Variants in ASCC3 observed in about 807,000 individuals in gnomAD.
ASCC3 encodes the protein ASC-1 complex subunit P200.
A neutral mutation model predicts 256.3 loss-of-function variants in ASCC3; 158 were observed. The ratio of observed to expected loss-of-function variants is 0.62; its 90% confidence interval spans 0.54 to 0.70. The LOEUF (loss-of-function observed/expected upper bound fraction) is 0.70. Ranked by LOEUF, ASCC3 falls within the 30% of genes least tolerant of loss-of-function variation. The pLI is 0.00. For synonymous variants in ASCC3, 948 were observed against 883.4 expected (o/e 1.07, Z -1.30); for missense variants, 2,259 against 2,626.0 (o/e 0.86, Z 3.05).
At chr6:100,582,467 C>T (rs1562137169) in intron 36 of ASCC3, among the ~76,000 whole-genome samples, 3 of 151,320 alleles carry the variant, frequency 2.0e-5, no homozygotes, top group African/African-American at 4.8e-5. Context: ...AGTTGCTTAT[C>T]AGCTGAAGGA....
At chr6:100,880,488 ATGAG>A (rs1230948115) in intron 1 of ASCC3, among the ~76,000 whole-genome samples, 1 of 152,218 alleles carries the variant, frequency 6.6e-6, no homozygotes, top group Non-Finnish European at 1.5e-5. Flanking sequence ...ACTGCATTCC[ATGAG>A]TAAGTTAATT....
chr6:100,623,052 TATAAA>T (rs1350525601), intron 30 of ASCC3, among the ~76,000 whole-genome samples: 1 of 152,094 alleles, frequency 6.6e-6, no homozygotes, highest in Non-Finnish European at 1.5e-5. Context: ...TAGGATAACA[TATAAA>T]ATAAAATTAA....
In ASCC3 at chr6:100,734,294, C is replaced by T. The variant is rs531199281; in HGVS notation, c.1738-8591G>A. Among the ~76,000 whole-genome samples the T allele has an allele frequency of 2.3e-3, 355 of 152,118 alleles. 2 individuals carry two copies. Among genetic ancestry groups the T allele is most frequent in the Non-Finnish European group, 3.5e-3 (239 of 67,994 alleles). The stretch of plus-strand genomic sequence containing the variant: ...GGTACTATGTATTTATATTATCTTC[C>T]TTAAATATAACTAATTTATTAAAAT... On this transcript the variant is annotated intron_variant, in intron 10 of 41. Coordinates refer to ENST00000369162, the MANE Select transcript of ASCC3 (RefSeq NM_006828.4).
intron 10 of ASCC3, among the ~76,000 whole-genome samples, chr6:100,730,022 G>A (rs1369595188): frequency 6.6e-6 from 1 of 151,950 alleles, no homozygotes; most frequent in African/African-American, 2.4e-5. Context: ...AAATACCACT[G>A]GGCTGTGTGC....
At chr6:100,575,703 C>T (rs550206278) in intron 36 of ASCC3, among the ~76,000 whole-genome samples, 20 of 151,920 alleles carry the variant, frequency 1.3e-4, no homozygotes, top group Non-Finnish European at 2.4e-4. Context: ...CCATAACAAC[C>T]GAGTGTACGT....
chr6:100,549,915 A>C (rs1296359101), intron 36 of ASCC3, among the ~76,000 whole-genome samples: 1 of 151,810 alleles, frequency 6.6e-6, no homozygotes, highest in African/African-American at 2.4e-5. Flanking sequence ...AAGAGGAGAG[A>C]GGAGAGATTC....
chr6:100,593,602 G>T (rs1168862050), intron 34 of ASCC3, among the ~76,000 whole-genome samples: 2 of 152,024 alleles, frequency 1.3e-5, no homozygotes, highest in African/African-American at 4.8e-5. Context: ...TTTCCTGTTT[G>T]GTTTATGTAA....
intron 12 of ASCC3, among the ~76,000 whole-genome samples, chr6:100,717,312 C>G (rs1779130734): frequency 6.6e-6 from 1 of 151,900 alleles, no homozygotes; most frequent in Admixed American, 6.6e-5. Flanking sequence ...ACATTAAAGA[C>G]TAAGGTTGAC....
chr6:100,656,850 A>C (rs1300863585), intron 16 of ASCC3, among the ~76,000 whole-genome samples: 1 of 150,794 alleles, frequency 6.6e-6, no homozygotes, highest in Non-Finnish European at 1.5e-5. Flanking sequence ...TTTTTTCCTG[A>C]ATCCTTAACT....
chr6:100,735,540 C>A (rs1216556262), intron 10 of ASCC3, among the ~76,000 whole-genome samples: 4 of 151,674 alleles, frequency 2.6e-5, no homozygotes, highest in Admixed American at 6.6e-5. Flanking sequence ...TGCATAAATT[C>A]TCCTTTTAAT....
Position 100,540,207 on chromosome 6 carries a change from T to A in ASCC3, c.5731A>T (p.Thr1911Ser). 3 of 1,614,090 alleles carry A rather than the reference T, an allele frequency of 1.9e-6. No homozygotes were observed. The highest frequency in any genetic ancestry group is 2.5e-6 in the Non-Finnish European group (3 of 1,179,988). ...RAMLPCPDYD[T>S]DTKTVLDQAL... Reference sequence around the variant, plus strand: ...TGGTCCAAGACTGTTTTGGTATCAGTGTCATAATCTGGGCAGGGTAGCATG... The same window carrying A: ...TGGTCCAAGACTGTTTTGGTATCAGAGTCATAATCTGGGCAGGGTAGCATG... Residue 1911 changes from threonine to serine, a missense_variant, in exon 37 of 42, where the codon ACT (threonine) becomes TCT (serine). Physicochemically the swap from Thr to Ser is moderately conservative, Grantham distance 58. Coordinates refer to ENST00000369162, the MANE Select transcript of ASCC3 (RefSeq NM_006828.4).
intron 36 of ASCC3, among the ~76,000 whole-genome samples, chr6:100,586,796 A>G (rs1771716481): frequency 6.6e-6 from 1 of 152,144 alleles, no homozygotes; most frequent in South Asian, 2.1e-4. Flanking sequence ...ATACCCCCAA[A>G]TCCTGAAAAC....
At chr6:100,711,456 G>C (rs945758165) in intron 13 of ASCC3, among the ~76,000 whole-genome samples, 8 of 152,180 alleles carry the variant, frequency 5.3e-5, no homozygotes, top group Non-Finnish European at 2.9e-5. Context: ...GCTGGGCATG[G>C]TGGCTCACGC....
chr6:100,837,544 C>T (rs1195934196), intron 4 of ASCC3, among the ~76,000 whole-genome samples: 1 of 152,022 alleles, frequency 6.6e-6, no homozygotes, highest in Non-Finnish European at 1.5e-5. Flanking sequence ...GAATACTATT[C>T]AGCTGTAAAA....
intron 4 of ASCC3, among the ~76,000 whole-genome samples, chr6:100,826,155 A>G (rs955269582): frequency 2.6e-5 from 4 of 151,504 alleles, no homozygotes; most frequent in African/African-American, 9.7e-5. Context: ...ATTTTTTGAG[A>G]CAGTCTCCCT....
At chr6:100,763,792 C>T (rs1472278987) in intron 10 of ASCC3, among the ~76,000 whole-genome samples, 1 of 152,094 alleles carries the variant, frequency 6.6e-6, no homozygotes, top group African/African-American at 2.4e-5. Context: ...TGCAAATGTC[C>T]CCCGCTTATT....
At chr6:100,801,051 G>A (rs532645038) in intron 5 of ASCC3, among the ~76,000 whole-genome samples, 17 of 147,568 alleles carry the variant, frequency 1.2e-4, no homozygotes, top group African/African-American at 4.6e-4. Context: ...TAAAGCAAAA[G>A]TATGGTCCAC....
At chr6:100,715,308 G>T in intron 13 of ASCC3, 154 bp downstream of exon 13, 1 of 644,614 alleles carries the variant, frequency 1.6e-6, no homozygotes, top group Non-Finnish European at 2.7e-6. Flanking sequence ...TACCCATTGG[G>T]CTAAAGCAGT....
intron 36 of ASCC3, among the ~76,000 whole-genome samples, chr6:100,583,948 G>T (rs557636501): frequency 6.6e-6 from 1 of 152,208 alleles, no homozygotes; most frequent in Non-Finnish European, 1.5e-5. Flanking sequence ...TGTGGTCTGA[G>T]AGATAGTTTG....
Sources: gnomAD v4.1 joint callset for allele counts (sites outside exome capture counted in the v4.1 genomes callset) on GRCh38, gnomAD v4.1.1 for gene constraint, MANE v1.5 for transcripts, NCBI Gene and HGNC (gene_info 2026-07-23, HGNC 2026-07-21) for gene names.